BICRAL: variants seen among roughly 807,000 people sequenced by gnomAD.
The protein encoded by BICRAL is BRD4-interacting chromatin-remodeling complex-associated protein-like.
In BICRAL, 8 loss-of-function variants were observed where a neutral mutation model predicts 91.8. The observed-to-expected ratio is 0.09, with a 90% CI of 0.05 to 0.16. The LOEUF is 0.16. BICRAL is among the 10% of genes least tolerant of loss of function. BICRAL has a pLI of 1.00. For synonymous variants in BICRAL, 445 were observed against 491.1 expected, an observed-to-expected ratio of 0.91 and a Z score of 1.24; for missense variants, 1,038 against 1,310.9, an observed-to-expected ratio of 0.79 and a Z score of 3.21.
At chr6:42,769,918 T>A (rs948903311) in intron 1 of BICRAL, among the ~76,000 whole-genome samples, 1 of 152,194 alleles carries the variant, frequency 6.6e-6, no homozygotes, top group African/African-American at 2.4e-5. Context: ...TTCTGGTATC[T>A]TCTGATCTAG....
intron 1 of BICRAL, among the ~76,000 whole-genome samples, chr6:42,807,111 G>A (rs762692104): frequency 3.3e-5 from 5 of 151,434 alleles, no homozygotes; most frequent in South Asian, 2.1e-4. Context: ...GCTTACAGGC[G>A]TGAGCCACCA....
Position 42,857,348 on chromosome 6 carries a change from T to G in BICRAL, c.2254+112T>G. On this transcript the variant is annotated intron_variant, in intron 10 of 12. Coordinates refer to ENST00000314073, the MANE Select transcript of BICRAL (RefSeq NM_001393499.1). ...CCCAGATGGTAGGCAGGTTATTGTT[T>G]TTAATCACAGACCAAACTTGTTCCC... is the stretch of plus-strand genomic sequence containing the variant. The G allele has an allele frequency of 4.7e-6, 4 of 845,692 alleles. No individual in the cohort carries two copies. In the South Asian group the frequency reaches 7.0e-5, roughly 15 times the overall value. 52.4% of individuals were successfully genotyped at this position (845,692 alleles called of 1,614,324 possible).
intron 1 of BICRAL, among the ~76,000 whole-genome samples, chr6:42,782,977 G>GGGGGAGGGGAGAGGGT (rs1348971315): frequency 6.6e-6 from 1 of 151,908 alleles, no homozygotes; most frequent in African/African-American, 2.4e-5. Flanking sequence ...CGTCTGGGGA[G>GGGGGAGGGGAGAGGGT]GGGGAGGGGA....
intron 1 of BICRAL, among the ~76,000 whole-genome samples, chr6:42,799,355 G>A (rs1449049603): frequency 6.7e-6 from 1 of 149,040 alleles, no homozygotes; most frequent in East Asian, 2.0e-4. Context: ...TTGGAGTGCA[G>A]TGGCGCGATC....
intron 1 of BICRAL, among the ~76,000 whole-genome samples, chr6:42,770,577 G>A (rs960199680): frequency 6.6e-6 from 1 of 151,898 alleles, no homozygotes; most frequent in Non-Finnish European, 1.5e-5. Context: ...ACCATACCCA[G>A]CTAATTTTTT....
At chr6:42,845,682 C>T (rs2113998230) in intron 6 of BICRAL, among the ~76,000 whole-genome samples, 1 of 152,140 alleles carries the variant, frequency 6.6e-6, no homozygotes, top group South Asian at 2.1e-4. Context: ...TTACATTATT[C>T]CAAACCAAGC....
chr6:42,838,926 A>G (rs1359548663), intron 6 of BICRAL, among the ~76,000 whole-genome samples: 1 of 152,008 alleles, frequency 6.6e-6, no homozygotes, highest in African/African-American at 2.4e-5. Flanking sequence ...GCGCCACTGC[A>G]CTCCAGCCTG....
At chr6:42,773,101 C>T (rs1418768303) in intron 1 of BICRAL, among the ~76,000 whole-genome samples, 2 of 148,646 alleles carry the variant, frequency 1.3e-5, no homozygotes, top group African/African-American at 5.0e-5. Flanking sequence ...TTTTTTGAGA[C>T]GGAGTCTTGC....
chr6:42,827,849 C>A (rs1159723830), intron 5 of BICRAL, among the ~76,000 whole-genome samples: 1 of 152,096 alleles, frequency 6.6e-6, no homozygotes, highest in Non-Finnish European at 1.5e-5. Flanking sequence ...TGGGCCACTG[C>A]ACTCCAGCCT....
chr6:42,861,632 A>T (rs1259232449), intron 11 of BICRAL, among the ~76,000 whole-genome samples: 1 of 152,208 alleles, frequency 6.6e-6, no homozygotes, highest in African/African-American at 2.4e-5. Context: ...GCTATATTAT[A>T]CACATATACA....
intron 2 of BICRAL, among the ~76,000 whole-genome samples, chr6:42,816,538 G>A (rs760887377): frequency 4.6e-5 from 7 of 151,912 alleles, no homozygotes; most frequent in African/African-American, 9.7e-5. Context: ...GTCATCCTCC[G>A]ACCTCAGCCT....
At chr6:42,785,371 C>A (rs1016538880) in intron 1 of BICRAL, among the ~76,000 whole-genome samples, 1 of 151,796 alleles carries the variant, frequency 6.6e-6, no homozygotes, top group Admixed American at 6.6e-5. Context: ...CCAGCCTGTC[C>A]AACGTGGTGA....
intron 1 of BICRAL, among the ~76,000 whole-genome samples, chr6:42,802,308 A>C (rs756970052): frequency 6.6e-6 from 1 of 152,368 alleles, no homozygotes; most frequent in South Asian, 2.1e-4. Context: ...ATTTTCCTGA[A>C]TAAAACTAGA....
intron 7 of BICRAL, among the ~76,000 whole-genome samples, chr6:42,852,714 A>G (rs1765228293): frequency 6.6e-6 from 1 of 151,864 alleles, no homozygotes; most frequent in Non-Finnish European, 1.5e-5. Context: ...AAGATGTACT[A>G]TCATTTTTTA....
chr6:42,863,196 C>A (rs1223980777), intron 12 of BICRAL, among the ~76,000 whole-genome samples: 1 of 152,058 alleles, frequency 6.6e-6, no homozygotes, highest in Non-Finnish European at 1.5e-5. Context: ...CTACAGGCGC[C>A]TGCAACCACA....
At chr6:42,786,494 A>ATAAAC (rs57064068) in intron 1 of BICRAL, among the ~76,000 whole-genome samples, 71,777 of 151,516 alleles carry the variant, frequency 0.47, 18,607 homozygotes, top group African/African-American at 0.7. Flanking sequence ...GAAATCTAAA[A>ATAAAC]CTGCTTAGAG....
chr6:42,838,787 C>T (rs947684818), intron 6 of BICRAL, among the ~76,000 whole-genome samples: 1 of 152,068 alleles, frequency 6.6e-6, no homozygotes, highest in African/African-American at 2.4e-5. Context: ...ATGGCAAAAC[C>T]CCATCTCTAC....
chr6:42,820,773 A>G (rs143548618), intron 2 of BICRAL, among the ~76,000 whole-genome samples: 1 of 151,990 alleles, frequency 6.6e-6, no homozygotes, highest in African/African-American at 2.4e-5. Flanking sequence ...ACTGGATTCT[A>G]CTCACAGGGT....
At chr6:42,747,897 C>T (rs1456369596) in intron 1 of BICRAL, among the ~76,000 whole-genome samples, 1 of 151,206 alleles carries the variant, frequency 6.6e-6, no homozygotes, top group Admixed American at 6.6e-5. Flanking sequence ...ATCCGCCTCC[C>T]GAGTTCAAGT....
Sources: allele counts gnomAD v4.1 joint callset (sites outside exome capture counted in the v4.1 genomes callset), GRCh38; gene constraint gnomAD v4.1.1; transcripts MANE v1.5; gene names NCBI Gene and HGNC (gene_info 2026-07-23, HGNC 2026-07-21).